Variants in NRXN3 observed in about 807,000 individuals in gnomAD.
NRXN3 encodes the protein neurexin III.
Under a neutral mutation model 137.6 loss-of-function variants are expected in NRXN3, and 32 were observed. That is an observed-to-expected ratio of 0.23 (90% CI 0.18 to 0.31). The LOEUF is 0.31. NRXN3 is among the 10% of genes least tolerant of loss of function. NRXN3 has a pLI of 1.00. For missense variants in NRXN3, 1,574 were observed against 2,062.5 expected (o/e 0.76, Z 4.59); for synonymous variants, 798 against 784.5 (o/e 1.02, Z -0.29).
intron 1 of NRXN3, among the ~76,000 whole-genome samples, chr14:78,195,668 G>A (rs747990851): frequency 2.0e-5 from 3 of 152,164 alleles, no homozygotes; most frequent in Non-Finnish European, 4.4e-5. Context: ...GTCTTGGGTG[G>A]GCGTGAACTA....
At chr14:79,676,751 A>G (rs1222531280) in intron 17 of NRXN3, among the ~76,000 whole-genome samples, 2 of 151,964 alleles carry the variant, frequency 1.3e-5, no homozygotes, top group African/African-American at 4.8e-5. Flanking sequence ...TAAAAGCCAA[A>G]CTAAAGCACA....
chr14:78,603,305 T>A (rs2097217235), intron 4 of NRXN3, among the ~76,000 whole-genome samples: 1 of 152,306 alleles, frequency 6.6e-6, no homozygotes, highest in South Asian at 2.1e-4. Flanking sequence ...CATGTTTTGA[T>A]ATATTTTTTC....
intron 16 of NRXN3, among the ~76,000 whole-genome samples, chr14:79,659,463 A>G (rs2098522593): frequency 1.3e-5 from 2 of 152,204 alleles, no homozygotes; most frequent in Admixed American, 1.3e-4. Context: ...TCAACCCTGC[A>G]TAAATTGTTT....
Position 78,970,399 on chromosome 14 carries a change from A to C in NRXN3, c.3142+2053A>C, listed in dbSNP as rs1377639576. 2.7e-5 allele frequency among the ~76,000 whole-genome samples: 4 copies of C among 148,696 alleles called. No individual in the cohort carries two copies. In the East Asian group the frequency reaches 5.8e-4, roughly 21 times the overall value. ...AGAGATAAAATTATCAATATTTTGC[A>C]CTTTTTTTCACATTAAGCCTCTAAA... On this transcript the variant is annotated intron_variant, in intron 14 of 20. Transcript: ENST00000335750.
In NRXN3 at chr14:79,004,267, C is replaced by CT. The variant is rs904081672; in HGVS notation, c.3262+16135dup. On this transcript the variant is annotated intron_variant, in intron 15 of 20. Coordinates refer to ENST00000335750, the MANE Select transcript of NRXN3 (RefSeq NM_001330195.2). ...AATAGTGTTGATAATTTCTTTCTTTCTTTTTTTTTAGACTGTATCTCACTT... is the reference window on the plus strand; with the variant it reads ...AATAGTGTTGATAATTTCTTTCTTTCTTTTTTTTTTAGACTGTATCTCACTT... Among the ~76,000 whole-genome samples the CT allele has an allele frequency of 4.0e-5, 6 of 151,124 alleles. No individual in the cohort carries two copies. In the South Asian group the frequency reaches 1.0e-3, roughly 26 times the overall value.
At chr14:78,207,233 C>T (rs532826405) in intron 1 of NRXN3, among the ~76,000 whole-genome samples, 1 of 152,240 alleles carries the variant, frequency 6.6e-6, no homozygotes, top group South Asian at 2.1e-4. Flanking sequence ...TTTCTTAAAG[C>T]CTGTGAAAAC....
chr14:78,519,200 G>T (rs1401034657), intron 4 of NRXN3, among the ~76,000 whole-genome samples: 6 of 152,060 alleles, frequency 3.9e-5, no homozygotes, highest in African/African-American at 9.7e-5. Flanking sequence ...GAAGGATTGG[G>T]TCATTTTGTA....
At chr14:79,271,187 A>C (rs1049831777) in intron 15 of NRXN3, among the ~76,000 whole-genome samples, 1 of 152,192 alleles carries the variant, frequency 6.6e-6, no homozygotes, top group African/African-American at 2.4e-5. Flanking sequence ...GGATCTCATG[A>C]GTACTTTAGT....
intron 15 of NRXN3, among the ~76,000 whole-genome samples, chr14:79,226,349 T>C (rs899011169): frequency 1.3e-5 from 2 of 152,184 alleles, no homozygotes; most frequent in Non-Finnish European, 2.9e-5. Context: ...TAATGGAAAA[T>C]ATTTGATATA....
intron 4 of NRXN3, among the ~76,000 whole-genome samples, chr14:78,448,171 T>C (rs1053404582): frequency 6.6e-5 from 10 of 152,268 alleles, no homozygotes; most frequent in Admixed American, 2.0e-4. Flanking sequence ...GTTCAACTTA[T>C]GATCTCCTTG....
chr14:79,135,484 G>C (rs2058121750), intron 15 of NRXN3, among the ~76,000 whole-genome samples: 1 of 152,130 alleles, frequency 6.6e-6, no homozygotes, highest in Non-Finnish European at 1.5e-5. Flanking sequence ...TCCTCTATGG[G>C]CTTGCTAAGC....
rs548063929 is a variant in NRXN3, at chr14:79,209,954, A to T, written c.3262+221813A>T. Among the ~76,000 whole-genome samples the T allele has an allele frequency of 3.3e-5, 5 of 152,320 alleles. No individual in the cohort carries two copies. The East Asian group carries it at 9.7e-4, about 29-fold the overall frequency. ...TCAACCTTGTAGATGAAGATAAGTG[A>T]GGAAGAACCAGTTATTAGAGTATCA... On this transcript the variant is annotated intron_variant, in intron 15 of 20. Transcript: ENST00000335750.
intron 16 of NRXN3, among the ~76,000 whole-genome samples, chr14:79,589,342 A>AT (rs889233192): frequency 2.5e-4 from 37 of 150,460 alleles, no homozygotes; most frequent in African/African-American, 7.1e-4. Flanking sequence ...CATTTACTCT[A>AT]TTTTTTTTTG....
intron 4 of NRXN3, among the ~76,000 whole-genome samples, chr14:78,619,550 C>T (rs772326467): frequency 6.6e-6 from 1 of 152,046 alleles, no homozygotes; most frequent in Non-Finnish European, 1.5e-5. Flanking sequence ...AAGGGAGAGA[C>T]CAGGTGGAGG....
intron 19 of NRXN3, among the ~76,000 whole-genome samples, chr14:79,721,796 C>T (rs966154581): frequency 6.6e-6 from 1 of 152,074 alleles, no homozygotes; most frequent in Admixed American, 6.6e-5. Flanking sequence ...GATTTTAGAA[C>T]TATCCCATAA....
chr14:79,084,452 C>A (rs1156236512), intron 15 of NRXN3, among the ~76,000 whole-genome samples: 2 of 152,068 alleles, frequency 1.3e-5, no homozygotes, highest in Non-Finnish European at 2.9e-5. Flanking sequence ...AAAAATATTG[C>A]CAACTGACTA....
At chr14:78,866,948 C>T (rs746374978) in intron 10 of NRXN3, among the ~76,000 whole-genome samples, 2 of 151,828 alleles carry the variant, frequency 1.3e-5, no homozygotes, top group Non-Finnish European at 2.9e-5. Context: ...CAGGCACACA[C>T]CACCATGCCC....
At chr14:79,736,749 T>A (rs2098943388) in intron 19 of NRXN3, among the ~76,000 whole-genome samples, 1 of 152,162 alleles carries the variant, frequency 6.6e-6, no homozygotes, top group African/African-American at 2.4e-5. Context: ...AACATATGGC[T>A]GTTTGACATA....
chr14:78,757,364 C>T (rs974462995), intron 8 of NRXN3, among the ~76,000 whole-genome samples: 1 of 149,448 alleles, frequency 6.7e-6, no homozygotes, highest in African/African-American at 2.5e-5. Flanking sequence ...GAGTTGAGAT[C>T]GCCACTGCAC....
Sources: gnomAD v4.1 joint callset for allele counts (sites outside exome capture counted in the v4.1 genomes callset) on GRCh38, gnomAD v4.1.1 for gene constraint, MANE v1.5 for transcripts, NCBI Gene and HGNC (gene_info 2026-07-23, HGNC 2026-07-21) for gene names.